The following ADAMTS5 variants were observed in gnomAD, a reference collection of about 807,000 sequenced individuals.
The protein encoded by ADAMTS5 is ADAM metallopeptidase with thrombospondin type 1 motif 5, also known as A disintegrin and metalloproteinase with thrombospondin motifs 5.
ADAMTS5 carries 54 observed loss-of-function variants against 81.4 expected under a neutral mutation model. The ratio of observed to expected loss-of-function variants is 0.66; its 90% confidence interval spans 0.53 to 0.83. ADAMTS5 has a LOEUF of 0.83. Among genes scored for constraint, ADAMTS5 ranks in the 40% least tolerant of loss-of-function variants. ADAMTS5 has a pLI of 0.00. For synonymous variants in ADAMTS5, 532 were observed against 508.8 expected (o/e 1.05, Z -0.61); for missense variants, 1,194 against 1,229.9 (o/e 0.97, Z 0.44).
intron 3 of ADAMTS5, chr21:26,939,561 T>A (rs187483276): frequency 6.6e-6 from 1 of 152,322 alleles, no homozygotes; most frequent in African/African-American, 2.4e-5. Flanking sequence ...GTTCAGTAAG[T>A]GGCTGTAAAC....
chr21:26,965,853 C>T lies in ADAMTS5; in HGVS notation c.539G>A (p.Arg180His), dbSNP rs1431834228. The change falls in exon 1 of 8, where the codon CGC becomes CAC. Residue 180 changes from arginine (R) to histidine (H), a missense_variant. By Grantham distance (29) the Arg-to-His change is conservative. Coordinates refer to ENST00000284987, the MANE Select transcript of ADAMTS5 (RefSeq NM_007038.5). ...RGPWAEEEKG[R>H]VYGDGSARIL... ...CCGTGCGGACCCATCCCCGTACACG[C>T]GCCCCTTTTCTTCCTCCGCCCAGGG... 6.2e-7 allele frequency: 1 copy of T among 1,612,938 alleles called. No individual in the cohort carries two copies. The highest frequency in any genetic ancestry group is 8.5e-7 in the Non-Finnish European group (1 of 1,179,646).
chr21:26,966,088 G>C lies in ADAMTS5; in HGVS notation c.304C>G (p.Leu102Val), dbSNP rs746675195. The C allele has an allele frequency of 6.2e-7, 1 of 1,612,960 alleles. No individual in the cohort carries two copies. The highest frequency in any genetic ancestry group is 1.1e-5 in the South Asian group (1 of 91,080). Residue 102 changes from leucine to valine, a missense_variant, in exon 1 of 8, where the codon CTG (leucine) becomes GTG (valine). Physicochemically the swap from Leu to Val is conservative, Grantham distance 32 (BLOSUM62 1). Transcript: ENST00000284987. ...YAGGRRFLLD[L>V]ERDGSVGIAG... Reference sequence around the variant, plus strand: ...ATGCCCACCGAACCATCTCGCTCCAGGTCCAAGAGGAACCTCCGGCCGCCC... The same window carrying C: ...ATGCCCACCGAACCATCTCGCTCCACGTCCAAGAGGAACCTCCGGCCGCCC...
In ADAMTS5 at chr21:26,943,572, C is replaced by A. The variant is rs181910699; in HGVS notation, c.1238-25G>T. On this transcript the variant is annotated intron_variant, in intron 2 of 7. Coordinates refer to ENST00000284987, the MANE Select transcript of ADAMTS5 (RefSeq NM_007038.5). Reference sequence around the variant, plus strand: ...CCTAAGGGAGACAACAGAGGAAGTACAAATAATCCGTGATTGTGTATTTCT... The same window carrying A: ...CCTAAGGGAGACAACAGAGGAAGTAAAAATAATCCGTGATTGTGTATTTCT... The A allele has an allele frequency of 3.0e-5, 48 of 1,594,838 alleles. No individual in the cohort carries two copies. The African/African-American group carries it at 3.9e-4, about 13-fold the overall frequency.
chr21:26,956,658 C>T (rs957883022), intron 1 of ADAMTS5, among the ~76,000 whole-genome samples: 4 of 150,894 alleles, frequency 2.7e-5, no homozygotes, highest in Admixed American at 6.6e-5. Context: ...TATCTGCACA[C>T]ATTTTTTTTA....
chr21:26,918,258 G>A lies in ADAMTS5; in HGVS notation c.*5795C>T, dbSNP rs908196215. The A allele has an allele frequency of 2.0e-5, 3 of 152,504 alleles. No individual in the cohort carries two copies. The highest frequency in any genetic ancestry group is 7.2e-5 in the African/African-American group (3 of 41,524). The allele number at this position is 152,504 out of a possible 1,614,324, so 9.4% of individuals were successfully genotyped here. A position where few individuals can be genotyped will look rare whatever the true frequency, so the allele number is the denominator to read the frequency against. On this transcript the variant is annotated 3_prime_UTR_variant, in exon 8 of 8. Transcript: ENST00000284987. ...TATATACCATTGCTTCTGGAAAATT[G>A]AGGGTAATAAGCAGCGTACATTTTA...
intron 3 of ADAMTS5, among the ~76,000 whole-genome samples, chr21:26,936,930 T>C (rs1987024113): frequency 6.6e-6 from 1 of 152,200 alleles, no homozygotes; most frequent in Admixed American, 6.5e-5. Context: ...TAGAAGACTG[T>C]CAACAAATCT....
Position 26,937,666 on chromosome 21 carries a change from T to G in ADAMTS5, c.1406-2917A>C, listed in dbSNP as rs1987038344. 2.6e-5 allele frequency among the ~76,000 whole-genome samples: 4 copies of G among 152,230 alleles called. 1 individual carries two copies. The South Asian group carries it at 8.3e-4, about 31-fold the overall frequency. On this transcript the variant is annotated intron_variant, in intron 3 of 7. Coordinates refer to ENST00000284987, the MANE Select transcript of ADAMTS5 (RefSeq NM_007038.5). The stretch of plus-strand genomic sequence containing the variant: ...AATAACAGATTGGATATACATTTTA[T>G]ATGTTTAAGAAATGTATACAGTTTG...
intron 4 of ADAMTS5, 58 bp from the exon 5 acceptor site, chr21:26,933,102 G>A (rs1986946629): frequency 1.3e-6 from 2 of 1,517,062 alleles, no homozygotes; most frequent in East Asian, 4.9e-5. Flanking sequence ...TTGAAAGTGT[G>A]CATTTGGAAA....
At chr21:26,943,797 TCA>T (rs2123187027) in intron 2 of ADAMTS5, among the ~76,000 whole-genome samples, 1 of 152,328 alleles carries the variant, frequency 6.6e-6, no homozygotes, top group African/African-American at 2.4e-5. Flanking sequence ...TTCATCTGGA[TCA>T]CATATGCTTA....
rs371425346 is a variant in ADAMTS5 at position 26,924,310 on chromosome 21, G to A, written c.2536C>T (p.Arg846Cys). 1.2e-5 allele frequency: 20 copies of A among 1,614,056 alleles called. No individual in the cohort carries two copies. Among genetic ancestry groups the A allele is most frequent in the East Asian group, 4.5e-5 (2 of 44,894 alleles). Reference protein sequence around the residue: ...ATDPTKPLDVRYSFFVPKKST... With the variant: ...ATDPTKPLDVCYSFFVPKKST... Reference sequence around the variant, plus strand: ...TTCTTGGGAACAAAAAAGCTATAACGGACATCTAATGGTTTAGTGGGGTCT... The same window carrying A: ...TTCTTGGGAACAAAAAAGCTATAACAGACATCTAATGGTTTAGTGGGGTCT... The change falls in exon 8 of 8, where the codon CGT becomes TGT. Residue 846 changes from arginine (R) to cysteine (C), a missense_variant. By Grantham distance (180) the Arg-to-Cys change is radical. Transcript: ENST00000284987.
In ADAMTS5 at chr21:26,944,426, C is replaced by A. The variant is rs567317605; in HGVS notation, c.1238-879G>T. Among the ~76,000 whole-genome samples the A allele has an allele frequency of 2.0e-5, 3 of 152,208 alleles. 1 individual carries two copies. The highest frequency in any genetic ancestry group is 7.2e-5 in the African/African-American group (3 of 41,544). On this transcript the variant is annotated intron_variant, in intron 2 of 7. Coordinates refer to ENST00000284987, the MANE Select transcript of ADAMTS5 (RefSeq NM_007038.5). ...TCAAGCTAGATATTATTTCACAGAG[C>A]CCATAATTGCATTCTTATAATCCAA...
chr21:26,942,629 A>G (rs1476388475), intron 3 of ADAMTS5, among the ~76,000 whole-genome samples: 1 of 152,180 alleles, frequency 6.6e-6, no homozygotes, highest in Non-Finnish European at 1.5e-5. Context: ...GCTTGTTTCA[A>G]AGATTACTTA....
chr21:26,935,341 A>C (rs1404764116), intron 3 of ADAMTS5, among the ~76,000 whole-genome samples: 1 of 152,180 alleles, frequency 6.6e-6, no homozygotes, highest in Non-Finnish European at 1.5e-5. Flanking sequence ...ATGTTCTAGA[A>C]AACACACTAG....
At chr21:26,926,236 G>A (rs554361177) in intron 7 of ADAMTS5, among the ~76,000 whole-genome samples, 28 of 152,296 alleles carry the variant, frequency 1.8e-4, no homozygotes, top group African/African-American at 6.5e-4. Flanking sequence ...ACTCCAGCCC[G>A]AGTAACAGAA....
rs1601001993 is a variant in ADAMTS5 at position 26,932,244 on chromosome 21, T to A, written c.1874-65A>T. 4 of 1,513,622 alleles carry A rather than the reference T, an allele frequency of 2.6e-6. No individual in the cohort carries two copies. The East Asian group carries it at 9.2e-5, about 35-fold the overall frequency. The allele number at this position is 1,513,622 out of a possible 1,614,324, so 93.8% of individuals were successfully genotyped here. ...TGAAACTTAGATATATTCTTGTGGG[T>A]TTAAATAGTTAATTTTAAGGGGAAG... On this transcript the variant is annotated intron_variant, in intron 5 of 7. Coordinates refer to ENST00000284987, the MANE Select transcript of ADAMTS5 (RefSeq NM_007038.5).
intron 2 of ADAMTS5, among the ~76,000 whole-genome samples, chr21:26,951,679 C>CAAAAAAAAAAAAAAA (rs58060427): frequency 4.3e-5 from 2 of 46,608 alleles, no homozygotes; most frequent in African/African-American, 1.7e-4. Context: ...CCCTCCATCT[C>CAAAAAAAAAAAAAAA]AAAAAAAAAA....
chr21:26,939,178 C>A (rs1987069953), intron 3 of ADAMTS5, among the ~76,000 whole-genome samples: 1 of 152,034 alleles, frequency 6.6e-6, no homozygotes. Flanking sequence ...AAGAGCACTT[C>A]AAAAAACCAG....
chr21:26,932,077 A>G lies in ADAMTS5; in HGVS notation c.1976T>C (p.Val659Ala). The change falls in exon 6 of 8, where the codon GTC becomes GCC. Residue 659 changes from valine (V) to alanine (A), a missense_variant. This residue lies in a region of ADAMTS5 where 696 missense variants were observed against 817.6 expected (regional missense o/e 0.85). Transcript: ENST00000284987. ...FVEWVPKYAG[V>A]LPADVCKLTC... ...CAGCTTGCACACATCCGCTGGCAGG[A>G]CACCTGCATATTTGGGAACCCATTC... is the stretch of plus-strand genomic sequence containing the variant. The G allele has an allele frequency of 6.2e-7, 1 of 1,614,200 alleles. No individual in the cohort carries two copies. Among genetic ancestry groups the G allele is most frequent in the Non-Finnish European group, 8.5e-7 (1 of 1,180,026 alleles).
intron 1 of ADAMTS5, among the ~76,000 whole-genome samples, chr21:26,958,871 T>C (rs1987475591): frequency 6.6e-6 from 1 of 152,132 alleles, no homozygotes; most frequent in Non-Finnish European, 1.5e-5. Context: ...CATAAAGGTG[T>C]CTCCACGGAA....
Sources: allele counts gnomAD v4.1 joint callset (sites outside exome capture counted in the v4.1 genomes callset), GRCh38; gene constraint gnomAD v4.1.1; regional missense constraint gnomAD v4.1.1; transcripts MANE v1.5; gene names NCBI Gene and HGNC (gene_info 2026-07-23, HGNC 2026-07-21).